Variants in SPEF2 observed in about 807,000 individuals in gnomAD.
SPEF2 encodes the protein sperm flagella and cilia-associated protein 2.
Under a neutral mutation model 224.6 loss-of-function variants are expected in SPEF2, and 187 were observed. The ratio of observed to expected loss-of-function variants is 0.83; its 90% CI spans 0.74 to 0.94. The LOEUF (loss-of-function observed/expected upper bound fraction) is 0.94, where lower values mean the gene tolerates loss of function less well. SPEF2 is among the 40% of genes least tolerant of loss of function. The pLI, the probability that SPEF2 is intolerant of heterozygous loss-of-function variation, is 0.00. For missense variants in SPEF2, 2,170 were observed against 2,135.6 expected (o/e 1.02, Z -0.32); for synonymous variants, 715 against 707.3 (o/e 1.01, Z -0.17).
intron 10 of SPEF2, chr5:35,675,587 C>T (rs1751869773): frequency 6.4e-6 from 1 of 156,096 alleles, no homozygotes; most frequent in Non-Finnish European, 1.4e-5. Flanking sequence ...GTCGCCCAGG[C>T]TGACGTGCAG....
chr5:35,756,510 C>T (rs564000333), intron 24 of SPEF2, among the ~76,000 whole-genome samples: 1 of 152,232 alleles, frequency 6.6e-6, no homozygotes, highest in East Asian at 1.9e-4. Context: ...AAAGAAAGAG[C>T]CTAATGAACA....
In SPEF2 at chr5:35,692,765, T is replaced by C. The variant is rs192563936; in HGVS notation, c.1899+41T>C. 162 of 1,580,442 alleles carry C rather than the reference T, an allele frequency of 1.0e-4. 2 individuals carry two copies. The East Asian group carries it at 3.5e-3, about 35-fold the overall frequency. On this transcript the variant is annotated intron_variant, in intron 12 of 36. Transcript: ENST00000356031. The stretch of plus-strand genomic sequence containing the variant: ...GTTTTCTCTTCTGCGCCTAGTACAT[T>C]AGAGATTTGGAGCTGGATGGAATTT...
rs1758190114 is a variant in SPEF2 at position 35,807,213 on chromosome 5, T to C, written c.5339T>C (p.Ile1780Thr). 1 of 1,613,742 alleles carries C rather than the reference T, an allele frequency of 6.2e-7. No individual in the cohort carries two copies. The highest frequency in any genetic ancestry group is 1.7e-5 in the Admixed American group (1 of 59,932). ...EVAVLLKHPFIQDLISNYSDY... is the reference protein window; with the variant it reads ...EVAVLLKHPFTQDLISNYSDY... Reference sequence around the variant, plus strand: ...GCTGTTCTCTTGAAGCATCCTTTTATTCAAGACCTGATTTCAAATTATTCA... The same window carrying C: ...GCTGTTCTCTTGAAGCATCCTTTTACTCAAGACCTGATTTCAAATTATTCA... Residue 1780 changes from isoleucine (I) to threonine (T), a missense_variant, in exon 36 of 37, where the codon ATT becomes ACT. By Grantham distance (89) the Ile-to-Thr change is moderately conservative. Coordinates refer to ENST00000356031, the MANE Select transcript of SPEF2 (RefSeq NM_024867.4).
intron 2 of SPEF2, among the ~76,000 whole-genome samples, chr5:35,636,682 G>A (rs909484040): frequency 6.6e-6 from 1 of 152,034 alleles, no homozygotes. Context: ...TAGTCAAATA[G>A]TAATACTCTG....
At chr5:35,664,539 G>A (rs1177769632) in intron 8 of SPEF2, among the ~76,000 whole-genome samples, 2 of 152,072 alleles carry the variant, frequency 1.3e-5, no homozygotes, top group Non-Finnish European at 2.9e-5. Flanking sequence ...AATTAGCCAG[G>A]TGTGATGGTG....
intron 12 of SPEF2, among the ~76,000 whole-genome samples, chr5:35,693,286 G>A (rs1466822891): frequency 6.6e-6 from 1 of 152,152 alleles, no homozygotes; most frequent in East Asian, 1.9e-4. Flanking sequence ...AGGTACAGAG[G>A]TAGAGGAGGA....
At chr5:35,684,526 A>G (rs530001126) in intron 10 of SPEF2, among the ~76,000 whole-genome samples, 1 of 152,314 alleles carries the variant, frequency 6.6e-6, no homozygotes, top group South Asian at 2.1e-4. Context: ...GTGAGGAAGC[A>G]GGCCTTTCAG....
intron 24 of SPEF2, among the ~76,000 whole-genome samples, chr5:35,757,186 G>T (rs1349470382): frequency 6.7e-6 from 1 of 148,570 alleles, no homozygotes; most frequent in East Asian, 1.9e-4. Flanking sequence ...CATGAATTTT[G>T]ATTGATTCTG....
chr5:35,751,706 A>G (rs1413771202), intron 23 of SPEF2, among the ~76,000 whole-genome samples: 1 of 152,212 alleles, frequency 6.6e-6, no homozygotes, highest in Admixed American at 6.5e-5. Flanking sequence ...TAAGAATTCA[A>G]AAACAAAGTA....
chr5:35,626,993 G>T (rs900453671), intron 1 of SPEF2, among the ~76,000 whole-genome samples: 3 of 151,802 alleles, frequency 2.0e-5, no homozygotes, highest in Non-Finnish European at 4.4e-5. Context: ...TAGTCAGACA[G>T]GTAAAATAGA....
rs1186560876 is a variant in SPEF2 at position 35,627,181 on chromosome 5, A to G, written c.59-1279A>G. On this transcript the variant is annotated intron_variant, in intron 1 of 36. Transcript: ENST00000356031. ...GATGATAGCTTTGGCCTATGATAAT[A>G]TAATTTATTTTGTATATAATCCTTA... Among the ~76,000 whole-genome samples the G allele has an allele frequency of 2.0e-5, 3 of 152,188 alleles. No individual in the cohort carries two copies. In the East Asian group the frequency reaches 5.8e-4, roughly 29 times the overall value.
rs146972390 is a variant in SPEF2, at chr5:35,668,823, G to C, written c.1356-1236G>C. On this transcript the variant is annotated intron_variant, in intron 9 of 36. Transcript: ENST00000356031. The stretch of plus-strand genomic sequence containing the variant: ...TTTTCAAAATATGTGGACTACTTTA[G>C]TGGGTTGCAATCATGAAGCCATAGA... 1.6e-3 allele frequency among the ~76,000 whole-genome samples: 237 copies of C among 152,066 alleles called. 1 individual carries two copies. The highest frequency in any genetic ancestry group is 5.4e-3 in the African/African-American group (225 of 41,492).
At chr5:35,707,533 G>A (rs1740027253) in intron 18 of SPEF2, among the ~76,000 whole-genome samples, 2 of 152,194 alleles carry the variant, frequency 1.3e-5, no homozygotes, top group South Asian at 4.1e-4. Flanking sequence ...GTAAGCACAT[G>A]TAAAGAGAAA....
intron 6 of SPEF2, 34 bp downstream of exon 6, chr5:35,649,459 C>A (rs536971514): frequency 6.5e-7 from 1 of 1,533,022 alleles, no homozygotes; most frequent in Non-Finnish European, 9.0e-7. Context: ...ATTACAAAAC[C>A]GCATTCTGTT....
chr5:35,700,541 G>A lies in SPEF2; in HGVS notation c.2187G>A (p.Met729Ile), dbSNP rs746113569. The A allele has an allele frequency of 6.2e-7, 1 of 1,613,544 alleles. No individual in the cohort carries two copies. Among genetic ancestry groups the A allele is most frequent in the South Asian group, 1.1e-5 (1 of 91,046 alleles). Residue 729 changes from methionine to isoleucine, a missense_variant, in exon 16 of 37, where the codon ATG (methionine) becomes ATA (isoleucine). Coordinates refer to ENST00000356031, the MANE Select transcript of SPEF2 (RefSeq NM_024867.4). ...NQDCILDGFP[M>I]TLNQAQLLEE... is the part of the protein sequence containing the mutation. ...ACTGTATCCTAGATGGTTTTCCAATGACTTTAAACCAAGCACAGCTTCTGG... is the reference window on the plus strand; with the variant it reads ...ACTGTATCCTAGATGGTTTTCCAATAACTTTAAACCAAGCACAGCTTCTGG...
At chr5:35,677,465 A>C (rs1752187058) in intron 10 of SPEF2, among the ~76,000 whole-genome samples, 1 of 152,168 alleles carries the variant, frequency 6.6e-6, no homozygotes, top group Non-Finnish European at 1.5e-5. Flanking sequence ...ATTCAGTCTC[A>C]AGGGCACTTG....
At chr5:35,661,246 GGTATATA>G (rs1749643447) in intron 8 of SPEF2, among the ~76,000 whole-genome samples, 3 of 69,540 alleles carry the variant, frequency 4.3e-5, no homozygotes, top group Admixed American at 1.7e-4. Context: ...TTTTTTTTTT[GGTATATA>G]TTATATATAT....
intron 30 of SPEF2, among the ~76,000 whole-genome samples, chr5:35,782,618 C>A (rs981918580): frequency 1.3e-5 from 2 of 151,884 alleles, no homozygotes; most frequent in African/African-American, 4.8e-5. Flanking sequence ...ATTATTTAAT[C>A]TTTGATTAGA....
At chr5:35,733,683 T>C (rs1343121367) in intron 21 of SPEF2, among the ~76,000 whole-genome samples, 1 of 152,172 alleles carries the variant, frequency 6.6e-6, no homozygotes, top group Non-Finnish European at 1.5e-5. Context: ...TGTTTGGACT[T>C]CATCTGCATG....
Sources: allele counts gnomAD v4.1 joint callset (sites outside exome capture counted in the v4.1 genomes callset), GRCh38; gene constraint gnomAD v4.1.1; transcripts MANE v1.5; gene names NCBI Gene and HGNC (gene_info 2026-07-23, HGNC 2026-07-21).